TAF5: variants seen among roughly 807,000 people sequenced by gnomAD.
TAF5 encodes the protein TATA-box binding protein associated factor 5, also known as transcription initiation factor TFIID subunit 5.
In TAF5, 20 loss-of-function variants were observed where a neutral mutation model predicts 80.9. That is an observed-to-expected ratio of 0.25 (90% CI 0.17 to 0.36). The LOEUF (loss-of-function observed/expected upper bound fraction) is 0.36, where lower values mean the gene tolerates loss of function less well. Among genes scored for constraint, TAF5 ranks in the 10% least tolerant of loss-of-function variants. The pLI is 1.00. For synonymous variants in TAF5, 388 were observed against 406.4 expected (o/e 0.95, Z 0.55); for missense variants, 863 against 1,029.4 (o/e 0.84, Z 2.21).
In TAF5 at chr10:103,378,614, C is replaced by T. The variant is rs879829934; in HGVS notation, c.1113+64C>T. The T allele has an allele frequency of 3.3e-5, 49 of 1,478,476 alleles. No individual in the cohort carries two copies. Among genetic ancestry groups the T allele is most frequent in the Middle Eastern group, 1.8e-4 (1 of 5,672 alleles). 91.6% of individuals were successfully genotyped at this position (1,478,476 alleles called of 1,614,324 possible). On this transcript the variant is annotated intron_variant, in intron 3 of 10. Transcript: ENST00000369839. The surrounding 1 kb of genome is among the most constrained non-coding windows in gnomAD (Gnocchi z 4.1). ...TGAAAAATTGTAGCATTTCCATCTA[C>T]ATAAGTTACACATTTTTCTTATAGC...
At chr10:103,376,449 A>G (rs1363734128) in intron 2 of TAF5, among the ~76,000 whole-genome samples, 2 of 152,092 alleles carry the variant, frequency 1.3e-5, no homozygotes, top group South Asian at 2.1e-4. Context: ...ATCACTTAAC[A>G]CAGGGTAGTA....
chr10:103,383,415 T>C, intron 7 of TAF5, 48 bp downstream of exon 7: 1 of 1,514,580 alleles, frequency 6.6e-7, no homozygotes, highest in African/African-American at 1.4e-5. Flanking sequence ...TATATTGAAA[T>C]TATATAAAAG....
chr10:103,385,631 A>G, intron 8 of TAF5, 141 bp downstream of exon 8: 1 of 1,042,954 alleles, frequency 9.6e-7, no homozygotes, highest in Non-Finnish European at 1.4e-6. Flanking sequence ...TTTATAACTT[A>G]TTTGAAATTG....
At chr10:103,387,131 T>C (rs757213097) in intron 8 of TAF5, 44 bp from the exon 9 acceptor site, 13 of 1,565,272 alleles carry the variant, frequency 8.3e-6, no homozygotes, top group South Asian at 1.2e-5. Context: ...GTTTCACAGC[T>C]ATCTACTAAT....
In TAF5 at chr10:103,380,034, T is replaced by G. The variant is rs1280066763; in HGVS notation, c.1413+15T>G. The G allele has an allele frequency of 6.2e-7, 1 of 1,607,798 alleles. No individual in the cohort carries two copies. Among genetic ancestry groups the G allele is most frequent in the African/African-American group, 1.3e-5 (1 of 74,574 alleles). On this transcript the variant is annotated intron_variant, in intron 5 of 10. Transcript: ENST00000369839. ...ATGCTTACCAGGTTGGTAAAAAAATTGGGCGATTTCTGCCTGGAGAGTCAT... is the reference window on the plus strand; with the variant it reads ...ATGCTTACCAGGTTGGTAAAAAAATGGGGCGATTTCTGCCTGGAGAGTCAT...
At chr10:103,386,869 T>G (rs1019432007) in intron 8 of TAF5, among the ~76,000 whole-genome samples, 1 of 152,044 alleles carries the variant, frequency 6.6e-6, no homozygotes, top group Non-Finnish European at 1.5e-5. Context: ...TTCACCATGT[T>G]GGTCAGGCTG....
intron 7 of TAF5, among the ~76,000 whole-genome samples, chr10:103,383,612 C>A (rs2093388284): frequency 1.6e-5 from 2 of 127,490 alleles, no homozygotes; most frequent in Non-Finnish European, 1.6e-5. Flanking sequence ...GAGTTTCGCT[C>A]TTGTTGCCCA....
chr10:103,386,664 ATTT>A (rs34851825), intron 8 of TAF5, among the ~76,000 whole-genome samples: 3 of 133,912 alleles, frequency 2.2e-5, no homozygotes, highest in Non-Finnish European at 3.2e-5. Flanking sequence ...AGACCTCAGC[ATTT>A]TTTTTTTTTT....
intron 2 of TAF5, among the ~76,000 whole-genome samples, chr10:103,375,173 A>G (rs938292435): frequency 6.6e-6 from 1 of 151,926 alleles, no homozygotes; most frequent in African/African-American, 2.4e-5. Context: ...GGTTGTCATA[A>G]TGACTGGGCG....
At chr10:103,381,274 A>AT (rs974548090) in intron 5 of TAF5, among the ~76,000 whole-genome samples, 7 of 134,146 alleles carry the variant, frequency 5.2e-5, no homozygotes, top group South Asian at 2.4e-4. Context: ...TTTTATTATT[A>AT]TTTTTTTTTT....
chr10:103,379,754 T>A lies in TAF5; in HGVS notation c.1260T>A (p.Asn420Lys). ...CCAAAAGCAAAAAACAAGATCCCAA[T>A]GCTCCACCTCAGAACAGGTGAGGAA... ...IGSKSKKQDP[N>K]APPQNRIPLP... Residue 420 changes from asparagine (N) to lysine (K), a missense_variant, in exon 4 of 11, where the codon AAT (asparagine) becomes AAA (lysine). Around this residue, in one of 3 missense-constraint regions of TAF5, gnomAD observed 368 missense variants for 461.7 expected, o/e 0.80. Coordinates refer to ENST00000369839, the MANE Select transcript of TAF5 (RefSeq NM_006951.5). 2.5e-6 allele frequency: 4 copies of A among 1,600,068 alleles called. No individual in the cohort carries two copies. The highest frequency in any genetic ancestry group is 3.4e-6 in the Non-Finnish European group (4 of 1,176,972).
rs2093349221 is a variant in TAF5, at chr10:103,368,094, T to G, written c.105T>G (p.Gly35=). The G allele has an allele frequency of 7.0e-7, 1 of 1,423,620 alleles. No homozygotes were observed. The highest frequency in any genetic ancestry group is 9.2e-7 in the Non-Finnish European group (1 of 1,090,516). The allele number at this position is 1,423,620 out of a possible 1,614,324, so 88.2% of individuals were successfully genotyped here. A position where few individuals can be genotyped will look rare whatever the true frequency, so the allele number is the denominator to read the frequency against. ...AGGCGGGGGACGGCGCAGGCGAGGG[T>G]AGCGGCGGCACTACCAACAACGGCC... is the stretch of plus-strand genomic sequence containing the variant. The part of the protein sequence containing the change: ...PPQAGDGAGE[G]SGGTTNNGPN... Residue 35 remains glycine (G), a synonymous_variant, in exon 1 of 11, where the codon GGT becomes GGG. Transcript: ENST00000369839.
rs765722591 is a variant in TAF5, at chr10:103,368,212, C to T, written c.223C>T (p.Pro75Ser). ...KPTVAVSAAA[P>S]AGAAPVPAAA... Reference sequence around the variant, plus strand: ...CACGGTGGCTGTCTCCGCCGCTGCCCCGGCGGGGGCGGCCCCGGTGCCCGC... The same window carrying T: ...CACGGTGGCTGTCTCCGCCGCTGCCTCGGCGGGGGCGGCCCCGGTGCCCGC... The change falls in exon 1 of 11, where the codon CCG becomes TCG. Residue 75 changes from proline to serine, a missense_variant. Physicochemically the swap from Pro to Ser is moderately conservative, Grantham distance 74. This residue lies in a region of TAF5 where 367 missense variants were observed against 335.5 expected (regional missense o/e 1.09). Transcript: ENST00000369839. The T allele has an allele frequency of 2.8e-6, 4 of 1,414,988 alleles. No individual in the cohort carries two copies. The highest frequency in any genetic ancestry group is 1.5e-5 in the South Asian group (1 of 68,558). The allele number at this position is 1,414,988 out of a possible 1,614,324, so 87.7% of individuals were successfully genotyped here.
In TAF5 at chr10:103,378,276, G is replaced by T. The variant is rs368279896; in HGVS notation, c.839G>T (p.Arg280Leu). 3.1e-6 allele frequency: 5 copies of T among 1,614,084 alleles called. No individual in the cohort carries two copies. Among genetic ancestry groups the T allele is most frequent in the Non-Finnish European group, 4.2e-6 (5 of 1,180,004 alleles). ...DQECYYQDDL[R>L]VLSSLTKKEH... ...GAATGTTATTACCAGGATGACCTAC[G>T]AGTATTATCTAGTCTTACCAAAAAG... The change falls in exon 3 of 11, where the codon CGA becomes CTA. Residue 280 changes from arginine (R) to leucine (L), a missense_variant. This residue lies in a region of TAF5 where 128 missense variants were observed against 232.2 expected (regional missense o/e 0.55). Coordinates refer to ENST00000369839, the MANE Select transcript of TAF5 (RefSeq NM_006951.5). The surrounding 1 kb of genome is among the most constrained non-coding windows in gnomAD (Gnocchi z 4.1).
chr10:103,384,387 T>C (rs2093390765), intron 7 of TAF5, among the ~76,000 whole-genome samples: 1 of 152,188 alleles, frequency 6.6e-6, no homozygotes, highest in Non-Finnish European at 1.5e-5. Flanking sequence ...TCCCAGCACT[T>C]TGGGAGTCCA....
Position 103,368,134 on chromosome 10 carries a change from G to A in TAF5, c.145G>A (p.Gly49Arg), listed in dbSNP as rs930776991. 8.6e-6 allele frequency: 12 copies of A among 1,397,846 alleles called. No individual in the cohort carries two copies. The African/African-American group carries it at 1.1e-4, about 12-fold the overall frequency. The allele number at this position is 1,397,846 out of a possible 1,614,324, so 86.6% of individuals were successfully genotyped here. A position where few individuals can be genotyped will look rare whatever the true frequency, so the allele number is the denominator to read the frequency against. Residue 49 changes from glycine (G) to arginine (R), a missense_variant, in exon 1 of 11, where the codon GGG becomes AGG. Gly to Arg is a moderately radical substitution (Grantham distance 125, BLOSUM62 -2). This residue lies in a region of TAF5 where 367 missense variants were observed against 335.5 expected (regional missense o/e 1.09). Transcript: ENST00000369839. ...TTNNGPNGGG[G>R]NVAASSSTGG... ...CAACAACGGCCCCAACGGCGGCGGC[G>A]GGAACGTTGCGGCGTCGTCGTCCAC...
At position 103,388,540 on chromosome 10, in the gene TAF5, A is replaced by G. The variant is rs1162910694; in HGVS notation, c.*317A>G. ...TACATTTAGAAAAAAAGTTGATTTC[A>G]ATAATTCATCCTGCTTCAAGATTCA... On this transcript the variant is annotated 3_prime_UTR_variant, in exon 11 of 11. Coordinates refer to ENST00000369839, the MANE Select transcript of TAF5 (RefSeq NM_006951.5). 1 of 194,186 alleles carries G rather than the reference A, an allele frequency of 5.1e-6. No individual in the cohort carries two copies. The allele number at this position is 194,186 out of a possible 1,614,324, so 12.0% of individuals were successfully genotyped here.
At chr10:103,373,092 A>T (rs990330427) in intron 1 of TAF5, among the ~76,000 whole-genome samples, 7 of 151,130 alleles carry the variant, frequency 4.6e-5, no homozygotes, top group Admixed American at 4.6e-4. Context: ...AGTCCCAGCT[A>T]CTTGGGAGGC....
rs1016030838 is a variant in TAF5 at position 103,388,511 on chromosome 10, T to A, written c.*288T>A. On this transcript the variant is annotated 3_prime_UTR_variant, in exon 11 of 11. Coordinates refer to ENST00000369839, the MANE Select transcript of TAF5 (RefSeq NM_006951.5). ...TTTTCTGTTCAAATGCTATTTTAAT[T>A]TATTACATTTAGAAAAAAAGTTGAT... The A allele has an allele frequency of 1.8e-5, 4 of 220,030 alleles. No homozygotes were observed. Among genetic ancestry groups the A allele is most frequent in the Non-Finnish European group, 2.7e-5 (3 of 111,328 alleles). 13.6% of individuals were successfully genotyped at this position (220,030 alleles called of 1,614,324 possible).
Sources: gnomAD v4.1 joint callset for allele counts (sites outside exome capture counted in the v4.1 genomes callset) on GRCh38, gnomAD v4.1.1 for gene constraint, gnomAD v4.1.1 regional missense constraint, Gnocchi (gnomAD v3.1) non-coding constraint, MANE v1.5 for transcripts, NCBI Gene and HGNC (gene_info 2026-07-23, HGNC 2026-07-21) for gene names.